The following DENND1A variants were observed in gnomAD, a reference collection of about 807,000 sequenced individuals.
DENND1A encodes DENN domain-containing protein 1A.
DENND1A carries 51 observed loss-of-function variants against 113.7 expected under a neutral mutation model. That is an observed-to-expected ratio of 0.45 (90% CI 0.36 to 0.57). The LOEUF is 0.57. DENND1A is among the 20% of genes least tolerant of loss of function. The probability of loss-of-function intolerance (pLI) is 0.00; values close to 1 mark genes in which losing one functional copy is unlikely to be tolerated. For synonymous variants in DENND1A, 565 were observed against 570.8 expected, an observed-to-expected ratio of 0.99 and a Z score of 0.14; for missense variants, 1,258 against 1,395.9, an observed-to-expected ratio of 0.90 and a Z score of 1.57.
chr9:123,616,076 C>T (rs944672460), intron 10 of DENND1A, among the ~76,000 whole-genome samples: 5 of 152,074 alleles, frequency 3.3e-5, no homozygotes, highest in Admixed American at 6.5e-5. Flanking sequence ...ATTACAGGTG[C>T]GTACTACCAC....
chr9:123,721,148 C>T (rs2067306640), intron 5 of DENND1A, among the ~76,000 whole-genome samples: 1 of 152,178 alleles, frequency 6.6e-6, no homozygotes, highest in African/African-American at 2.4e-5. Flanking sequence ...TATGCTAGAG[C>T]CAAAATGATT....
chr9:123,725,718 T>C (rs537719533), intron 5 of DENND1A, among the ~76,000 whole-genome samples: 18 of 152,354 alleles, frequency 1.2e-4, no homozygotes, highest in Middle Eastern at 3.4e-3. Flanking sequence ...ACTGCTCGGA[T>C]GCTTCCAGAG....
chr9:123,621,857 TC>T (rs1306838628), intron 10 of DENND1A, among the ~76,000 whole-genome samples: 1 of 152,242 alleles, frequency 6.6e-6, no homozygotes, highest in African/African-American at 2.4e-5. Flanking sequence ...GGATGTTACT[TC>T]AGAATTGTGT....
At chr9:123,864,004 C>T (rs1331927415) in intron 2 of DENND1A, among the ~76,000 whole-genome samples, 5 of 146,480 alleles carry the variant, frequency 3.4e-5, no homozygotes, top group African/African-American at 1.3e-4. Context: ...AAAAAAAACA[C>T]ACAGAAAATC....
chr9:123,914,000 G>A (rs989642068), intron 1 of DENND1A, among the ~76,000 whole-genome samples: 25 of 151,454 alleles, frequency 1.7e-4, no homozygotes, highest in African/African-American at 4.6e-4. Flanking sequence ...GGTCAGGTCC[G>A]AGAACTATAC....
At chr9:123,510,116 G>A (rs1304847063) in intron 13 of DENND1A, among the ~76,000 whole-genome samples, 3 of 152,200 alleles carry the variant, frequency 2.0e-5, no homozygotes, top group Non-Finnish European at 4.4e-5. Flanking sequence ...CCTGTGAGTC[G>A]CGCCTTCCCA....
At chr9:123,569,905 T>G (rs1263992517) in intron 12 of DENND1A, among the ~76,000 whole-genome samples, 2 of 152,160 alleles carry the variant, frequency 1.3e-5, no homozygotes, top group African/African-American at 4.8e-5. Flanking sequence ...TTCCCTGGCT[T>G]AATCACCTTA....
intron 13 of DENND1A, among the ~76,000 whole-genome samples, chr9:123,489,200 C>CA (rs34982968): frequency 1.3e-5 from 2 of 152,116 alleles, no homozygotes; most frequent in Non-Finnish European, 2.9e-5. Flanking sequence ...AAGGTCATGC[C>CA]AAAAGCAAGT....
In DENND1A at chr9:123,652,010, C is replaced by T. The variant is rs373097946; in HGVS notation, c.618+3G>A. 168 of 1,613,116 alleles carry T rather than the reference C, an allele frequency of 1.0e-4. No homozygotes were observed. Among genetic ancestry groups the T allele is most frequent in the Non-Finnish European group, 1.4e-4 (160 of 1,179,300 alleles). The stretch of plus-strand genomic sequence containing the variant: ...AAAGCCAGTCTTAAGACTGTCTACT[C>T]ACAGTGCTGAGTTTGCTGCAAATGA... On this transcript the variant is annotated splice_donor_region_variant and intron_variant, in intron 9 of 23. Transcript: ENST00000394215.
At chr9:123,497,754 C>T (rs998543926) in intron 13 of DENND1A, among the ~76,000 whole-genome samples, 3 of 150,532 alleles carry the variant, frequency 2.0e-5, no homozygotes, top group Admixed American at 6.7e-5. Flanking sequence ...TTCTGTTTCA[C>T]CATATAGAAA....
At chr9:123,714,493 C>T (rs1299356142) in intron 5 of DENND1A, among the ~76,000 whole-genome samples, 5 of 151,876 alleles carry the variant, frequency 3.3e-5, no homozygotes, top group East Asian at 1.9e-4. Context: ...TCCCAGCTAC[C>T]AGGGAGGCTG....
At chr9:123,845,185 A>G (rs958588642) in intron 2 of DENND1A, among the ~76,000 whole-genome samples, 1 of 151,826 alleles carries the variant, frequency 6.6e-6, no homozygotes, top group African/African-American at 2.4e-5. Flanking sequence ...GTGCCACTAC[A>G]CTCCAGCCTG....
intron 2 of DENND1A, among the ~76,000 whole-genome samples, chr9:123,800,018 A>G (rs1463458798): frequency 1.3e-5 from 2 of 152,248 alleles, no homozygotes; most frequent in African/African-American, 4.8e-5. Context: ...ATAAACTTTT[A>G]TAAACCCAAT....
At position 123,387,697 on chromosome 9, in the gene DENND1A, G is replaced by A. The variant is rs762652779; in HGVS notation, c.1760+33C>T. ...TGCAGCCCCGCAGAGTCACCAAGCC[G>A]AGCTCAGGGAAATGGAAGAAGGAAG... is the stretch of plus-strand genomic sequence containing the variant. On this transcript the variant is annotated intron_variant, in intron 22 of 23. Transcript: ENST00000394215. 1.8e-5 allele frequency: 23 copies of A among 1,287,016 alleles called. 1 individual carries two copies. The highest frequency in any genetic ancestry group is 4.3e-4 in the Middle Eastern group (2 of 4,686). 79.7% of individuals were successfully genotyped at this position (1,287,016 alleles called of 1,614,324 possible). A position where few individuals can be genotyped will look rare whatever the true frequency, so the allele number is the denominator to read the frequency against.
intron 9 of DENND1A, among the ~76,000 whole-genome samples, chr9:123,634,437 T>C (rs1023114957): frequency 5.3e-5 from 8 of 152,350 alleles, no homozygotes; most frequent in Non-Finnish European, 1.0e-4. Flanking sequence ...AGACTTACTA[T>C]ATATCTATAC....
At chr9:123,890,891 C>A (rs1397242166) in intron 1 of DENND1A, among the ~76,000 whole-genome samples, 4 of 152,176 alleles carry the variant, frequency 2.6e-5, no homozygotes, top group African/African-American at 9.7e-5. Flanking sequence ...AAAATGCACT[C>A]ATTGTAAGTG....
intron 5 of DENND1A, among the ~76,000 whole-genome samples, chr9:123,711,505 G>GTGTATATATATATATA (rs1554970624): frequency 3.2e-5 from 2 of 62,558 alleles, no homozygotes; most frequent in African/African-American, 1.8e-4. Flanking sequence ...ATATATATAT[G>GTGTATATATATATATA]TATATATGTA....
intron 2 of DENND1A, among the ~76,000 whole-genome samples, chr9:123,809,899 G>T (rs964128069): frequency 2.0e-5 from 3 of 152,100 alleles, no homozygotes; most frequent in Non-Finnish European, 4.4e-5. Context: ...TCGAACTCCT[G>T]AACTTGATCA....
At chr9:123,744,770 C>CTTTTTTTTTTTT (rs57945475) in intron 5 of DENND1A, among the ~76,000 whole-genome samples, 1 of 102,732 alleles carries the variant, frequency 9.7e-6, no homozygotes, top group Non-Finnish European at 2.0e-5. Context: ...TATATTAGCT[C>CTTTTTTTTTTTT]TTTTTTTTTT....
Sources: allele counts gnomAD v4.1 joint callset (sites outside exome capture counted in the v4.1 genomes callset), GRCh38; gene constraint gnomAD v4.1.1; transcripts MANE v1.5; gene names NCBI Gene and HGNC (gene_info 2026-07-23, HGNC 2026-07-21).